FSHR: variants seen among roughly 807,000 people sequenced by gnomAD.
FSHR encodes follicle stimulating hormone receptor, also known as follicle-stimulating hormone receptor.
FSHR carries 46 observed loss-of-function variants against 52.1 expected under a neutral mutation model. That is an observed-to-expected ratio of 0.88 (90% CI 0.70 to 1.13). FSHR has a LOEUF of 1.13. Ranked by LOEUF, FSHR falls within the 50% of genes most tolerant of loss-of-function variation. FSHR has a pLI of 0.00. For synonymous variants in FSHR, 399 were observed against 309.6 expected, an observed-to-expected ratio of 1.29 and a Z score of -3.03; for missense variants, 964 against 834.6, an observed-to-expected ratio of 1.16 and a Z score of -1.91.
intron 1 of FSHR, among the ~76,000 whole-genome samples, chr2:49,127,898 C>CTTCTTCTTTTCTTTTTTT (rs1558457105): frequency 3.7e-5 from 1 of 27,258 alleles, no homozygotes; most frequent in African/African-American, 1.8e-4. Context: ...TCTTCTTCTT[C>CTTCTTCTTTTCTTTTTTT]TTTTTTTTTT....
intron 1 of FSHR, among the ~76,000 whole-genome samples, chr2:49,088,923 A>G (rs185828385): frequency 7.3e-4 from 111 of 152,344 alleles, no homozygotes; most frequent in Admixed American, 1.6e-3. Flanking sequence ...ACATTTAATC[A>G]GAAAACATAT....
chr2:49,077,162 C>G (rs935291106), intron 1 of FSHR, among the ~76,000 whole-genome samples: 4 of 152,258 alleles, frequency 2.6e-5, no homozygotes, highest in African/African-American at 7.2e-5. Context: ...GGGCCTCTCC[C>G]CTGCAGCAGA....
intron 1 of FSHR, among the ~76,000 whole-genome samples, chr2:49,121,305 A>T (rs1011576): frequency 1.3e-5 from 2 of 151,940 alleles, no homozygotes; most frequent in East Asian, 3.9e-4. Context: ...CCTGACCTTC[A>T]GTGTTCTCTT....
chr2:49,045,923 A>C (rs1361532542), intron 2 of FSHR, among the ~76,000 whole-genome samples: 1 of 152,204 alleles, frequency 6.6e-6, no homozygotes, highest in East Asian at 1.9e-4. Context: ...CATGACTATA[A>C]GACTCTCAAG....
intron 1 of FSHR, among the ~76,000 whole-genome samples, chr2:49,112,794 A>G (rs1671467576): frequency 6.6e-6 from 1 of 152,194 alleles, no homozygotes; most frequent in Non-Finnish European, 1.5e-5. Flanking sequence ...ACAATGCTTT[A>G]TTAAGTTTTT....
intron 1 of FSHR, among the ~76,000 whole-genome samples, chr2:49,085,173 A>T (rs1394890307): frequency 6.6e-6 from 1 of 152,158 alleles, no homozygotes; most frequent in African/African-American, 2.4e-5. Flanking sequence ...CATCCCTGGG[A>T]TGCAAGGCTG....
At chr2:48,985,444 A>AG (rs1675457487) in intron 6 of FSHR, among the ~76,000 whole-genome samples, 1 of 151,968 alleles carries the variant, frequency 6.6e-6, no homozygotes, top group African/African-American at 2.4e-5. Context: ...ATTTCTTCTG[A>AG]ATTAGGACAT....
chr2:48,996,804 G>A (rs539797592), intron 4 of FSHR, among the ~76,000 whole-genome samples: 17 of 152,188 alleles, frequency 1.1e-4, no homozygotes, highest in Admixed American at 6.5e-4. Context: ...AGTGTTTCAC[G>A]TACTGATTTT....
chr2:49,020,816 C>T (rs1285117381), intron 2 of FSHR, among the ~76,000 whole-genome samples: 1 of 152,032 alleles, frequency 6.6e-6, no homozygotes, highest in East Asian at 1.9e-4. Flanking sequence ...GTTTGTTGGC[C>T]CCATTAATGT....
At chr2:49,077,933 A>G (rs1670008500) in intron 1 of FSHR, among the ~76,000 whole-genome samples, 2 of 152,218 alleles carry the variant, frequency 1.3e-5, no homozygotes, top group South Asian at 4.1e-4. Flanking sequence ...TGTCAAAGCC[A>G]TTCAACAAGT....
intron 1 of FSHR, among the ~76,000 whole-genome samples, chr2:49,104,131 T>A (rs1365027295): frequency 2.0e-5 from 3 of 152,032 alleles, no homozygotes; most frequent in Admixed American, 1.3e-4. Context: ...TGGAGGAAGA[T>A]TAGAGTAGAT....
At chr2:49,068,121 T>C (rs1055749209) in intron 2 of FSHR, 98 bp downstream of exon 2, 11 of 905,030 alleles carry the variant, frequency 1.2e-5, no homozygotes, top group Non-Finnish European at 1.8e-5. Flanking sequence ...ACCATGTCAG[T>C]TCGGCTACTA....
chr2:49,116,436 G>A (rs1250273064), intron 1 of FSHR, among the ~76,000 whole-genome samples: 2 of 152,090 alleles, frequency 1.3e-5, no homozygotes, highest in Non-Finnish European at 2.9e-5. Context: ...TTTAGTCTTT[G>A]TTAGGCTACT....
intron 1 of FSHR, among the ~76,000 whole-genome samples, chr2:49,135,517 T>C: frequency 6.6e-6 from 1 of 152,108 alleles, no homozygotes; most frequent in East Asian, 1.9e-4. Context: ...AAAAAATATT[T>C]CAAATTAATA....
At chr2:49,001,494 T>C (rs1666884051) in intron 4 of FSHR, among the ~76,000 whole-genome samples, 1 of 152,152 alleles carries the variant, frequency 6.6e-6, no homozygotes, top group Non-Finnish European at 1.5e-5. Context: ...TTTTGAGACC[T>C]TCTTGGATGC....
At chr2:49,004,992 C>T (rs778897293) in intron 4 of FSHR, among the ~76,000 whole-genome samples, 11 of 152,108 alleles carry the variant, frequency 7.2e-5, no homozygotes, top group South Asian at 2.1e-4. Context: ...AGAAATCCCC[C>T]GTCATGGAGT....
chr2:49,050,218 A>T (rs768132315), intron 2 of FSHR, among the ~76,000 whole-genome samples: 18 of 152,200 alleles, frequency 1.2e-4, no homozygotes, highest in Non-Finnish European at 1.5e-4. Flanking sequence ...TATATTTCCC[A>T]ACTGATGGCT....
intron 8 of FSHR, among the ~76,000 whole-genome samples, chr2:48,977,580 A>T (rs1459122062): frequency 6.6e-6 from 1 of 152,226 alleles, no homozygotes. Context: ...TCATTGTGTG[A>T]CATGATGACA....
intron 2 of FSHR, among the ~76,000 whole-genome samples, chr2:49,020,431 G>A (rs910844346): frequency 2.0e-5 from 3 of 152,118 alleles, no homozygotes; most frequent in African/African-American, 7.2e-5. Context: ...GGAAGGAAGA[G>A]ATTTGCTTAA....
Sources: allele counts gnomAD v4.1 joint callset (sites outside exome capture counted in the v4.1 genomes callset), GRCh38; gene constraint gnomAD v4.1.1; transcripts MANE v1.5; gene names NCBI Gene and HGNC (gene_info 2026-07-23, HGNC 2026-07-21).